POLD1: variants seen among roughly 807,000 people sequenced by gnomAD.
The protein encoded by POLD1 is DNA polymerase delta 1, catalytic subunit, also known as DNA polymerase delta catalytic subunit.
In POLD1, 79 loss-of-function variants were observed where a neutral mutation model predicts 129.7. The ratio of observed to expected loss-of-function variants is 0.61; its 90% CI spans 0.51 to 0.73. POLD1 has a LOEUF of 0.73. POLD1 is among the 30% of genes least tolerant of loss of function. The probability of loss-of-function intolerance (pLI) is 0.00; values close to 1 mark genes in which losing one functional copy is unlikely to be tolerated. For synonymous variants in POLD1, 714 were observed against 683.3 expected, an observed-to-expected ratio of 1.04 and a Z score of -0.70; for missense variants, 1,338 against 1,595.8, an observed-to-expected ratio of 0.84 and a Z score of 2.75.
chr19:50,411,050 G>A (rs145062882), intron 17 of POLD1: 1 of 147,682 alleles, frequency 6.8e-6, no homozygotes, highest in Non-Finnish European at 1.5e-5. Flanking sequence ...CTCAACCTCC[G>A]GGACTCAGGT....
Position 50,402,000 on chromosome 19 carries a change from T to G in POLD1, c.465T>G (p.Gly155=), listed in dbSNP as rs2122236980. 1 of 1,613,840 alleles carries G rather than the reference T, an allele frequency of 6.2e-7. No homozygotes were observed. Among genetic ancestry groups the G allele is most frequent in the Non-Finnish European group, 8.5e-7 (1 of 1,179,908 alleles). ...APYFYTPAPP[G]FGPEHMGDLQ... ...CTCTGATCATCCCTCCCACACCAGG[T>G]TTCGGGCCCGAGCACATGGGTGACC... The change falls in exon 5 of 27, where the codon GGT becomes GGG. Residue 155 remains glycine, a splice_region_variant and synonymous_variant. Transcript: ENST00000440232.
intron 1 of POLD1, among the ~76,000 whole-genome samples, chr19:50,398,274 TAA>T (rs1393973644): frequency 1.3e-5 from 2 of 151,788 alleles, no homozygotes; most frequent in East Asian, 3.9e-4. Flanking sequence ...TTATGGAAAA[TAA>T]AGAGATGTGC....
chr19:50,399,677 C>T (rs1389251738), intron 3 of POLD1, among the ~76,000 whole-genome samples, 193 bp downstream of exon 3: 2 of 152,138 alleles, frequency 1.3e-5, no homozygotes. Context: ...TTGTGGAGTG[C>T]GAAGCGAAGG....
chr19:50,404,554 A>ACCCAAC lies in POLD1; in HGVS notation c.1242+961_1242+966dup, dbSNP rs1402862831. Among the ~76,000 whole-genome samples, 6 of 127,434 alleles carry ACCCAAC rather than the reference A, an allele frequency of 4.7e-5. No individual in the cohort carries two copies. In the East Asian group the frequency reaches 9.1e-4, roughly 19 times the overall value. 83.6% of individuals were successfully genotyped at this position (127,434 alleles called of 152,430 possible). On this transcript the variant is annotated intron_variant, in intron 10 of 26. Transcript: ENST00000440232. ...TGGGATTATAGGCGTGAGCTACTGC[A>ACCCAAC]CCCAACCCCTTTTCTCTTTCTTTTT...
At chr19:50,414,661 A>G (rs541753641) in intron 19 of POLD1, among the ~76,000 whole-genome samples, 154 bp from the exon 20 acceptor site, 24 of 152,218 alleles carry the variant, frequency 1.6e-4, no homozygotes, top group African/African-American at 3.9e-4. Flanking sequence ...TTCCAGCCAT[A>G]CAGTGTCTCG....
rs71182715 is a variant in POLD1 at position 50,400,133 on chromosome 19, A to ATTTTTTTTTTTTTT, written c.316+664_316+677dup. On this transcript the variant is annotated intron_variant, in intron 3 of 26. Transcript: ENST00000440232. ...CCAGCCCAATTTGACTTTTTAAAAG[A>ATTTTTTTTTTTTTT]TTTTTTTTTTTTTTTTTTTTTTTTT... Among the ~76,000 whole-genome samples the ATTTTTTTTTTTTTT allele has an allele frequency of 5.4e-4, 26 of 48,154 alleles. 2 individuals carry two copies. Among genetic ancestry groups the ATTTTTTTTTTTTTT allele is most frequent in the Middle Eastern group, 0.02 (1 of 50 alleles). 31.6% of individuals were successfully genotyped at this position (48,154 alleles called of 152,430 possible).
At chr19:50,390,793 G>A (rs1386435674) in intron 1 of POLD1, among the ~76,000 whole-genome samples, 1 of 152,052 alleles carries the variant, frequency 6.6e-6, no homozygotes, top group Admixed American at 6.5e-5. Flanking sequence ...GGAGCATGCT[G>A]CCTTCAAGCA....
intron 1 of POLD1, among the ~76,000 whole-genome samples, chr19:50,389,369 G>A (rs2038074841): frequency 6.6e-6 from 1 of 151,796 alleles, no homozygotes. Context: ...CAATCCCCCT[G>A]CCTCGGCCTC....
At chr19:50,395,508 C>T (rs915396962) in intron 1 of POLD1, among the ~76,000 whole-genome samples, 19 of 151,540 alleles carry the variant, frequency 1.3e-4, no homozygotes, top group East Asian at 3.9e-4. Flanking sequence ...GGCGTGAACC[C>T]GGGAGGCGGA....
At position 50,398,920 on chromosome 19, in the gene POLD1, GGAT is replaced by G. The variant is rs767241512; in HGVS notation, c.80_82del (p.Asp27del). 2.5e-6 allele frequency: 4 copies of G among 1,597,592 alleles called. No individual in the cohort carries two copies. Among genetic ancestry groups the G allele is most frequent in the Admixed American group, 1.7e-5 (1 of 57,416 alleles). On this transcript the variant is annotated inframe_deletion, in exon 2 of 27. Coordinates refer to ENST00000440232, the MANE Select transcript of POLD1 (RefSeq NM_002691.4). ...CAAAGCGGGCCCGTGGGGGCCTCTG[GGAT>G]GATGATGATGCACCTCGGCCATCCC...
chr19:50,405,695 C>T (rs2038849840), intron 10 of POLD1, among the ~76,000 whole-genome samples: 2 of 152,168 alleles, frequency 1.3e-5, no homozygotes, highest in African/African-American at 4.8e-5. Context: ...GGGTGTCCCT[C>T]ACCCTCTGCC....
rs20582 is a variant in POLD1 at position 50,401,785 on chromosome 19, G to T, written c.324G>T (p.Ala108=). Residue 108 remains alanine (A), a synonymous_variant, in exon 4 of 27, where the codon GCG becomes GCT. Transcript: ENST00000440232. ...TACCCTGTGACCCCACAGGCCCAGC[G>T]CAGCCTGTGCCTGGGGGGCCCCCAC... ...QLEIDHYVGP[A]QPVPGGPPPS... is the part of the protein sequence containing the mutation. 1.9e-3 allele frequency: 3,132 copies of T among 1,612,072 alleles called. 49 individuals carry two copies. In the African/African-American group the frequency reaches 0.032, roughly 17 times the overall value.
intron 8 of POLD1, 105 bp from the exon 9 acceptor site, chr19:50,402,940 ACGTAGGGC>A: frequency 7.1e-7 from 1 of 1,408,182 alleles, no homozygotes; most frequent in Non-Finnish European, 9.7e-7. Flanking sequence ...AGGGTGAGCC[ACGTAGGGC>A]CGGCAGGCAG....
At position 50,399,053 on chromosome 19, in the gene POLD1, G is replaced by A. The variant is rs772866918; in HGVS notation, c.202G>A (p.Gly68Arg). ...LQSVLEGVADGQVPPSAIDPR... is the reference protein window; with the variant it reads ...LQSVLEGVADRQVPPSAIDPR... ...GTCAGTCCTGGAGGGGGTTGCAGAC[G>A]GTAAGGCTTGGAGTTGGAGGTTCCT... Residue 68 changes from glycine to arginine, a missense_variant and splice_region_variant, in exon 2 of 27, where the codon GGG becomes AGG. By Grantham distance (125) the Gly-to-Arg change is moderately radical. Around this residue, in one of 3 missense-constraint regions of POLD1, gnomAD observed 332 missense variants for 315.7 expected, o/e 1.05. Coordinates refer to ENST00000440232, the MANE Select transcript of POLD1 (RefSeq NM_002691.4). The A allele has an allele frequency of 2.1e-5, 33 of 1,551,802 alleles. No individual in the cohort carries two copies. The highest frequency in any genetic ancestry group is 4.8e-5 in the South Asian group (4 of 84,060).
rs2039315892 is a variant in POLD1, at chr19:50,416,835, C to T, written c.3067+112C>T. 3.1e-6 allele frequency: 3 copies of T among 982,430 alleles called. No individual in the cohort carries two copies. The South Asian group carries it at 5.0e-5, about 16-fold the overall frequency. 60.9% of individuals were successfully genotyped at this position (982,430 alleles called of 1,614,324 possible). On this transcript the variant is annotated intron_variant, in intron 24 of 26. Coordinates refer to ENST00000440232, the MANE Select transcript of POLD1 (RefSeq NM_002691.4). ...GCACTGCCACCCAGTGGGCCCAGGGCCCCTGGGTGGGTGGCCCCTGTCTCC... is the reference window on the plus strand; with the variant it reads ...GCACTGCCACCCAGTGGGCCCAGGGTCCCTGGGTGGGTGGCCCCTGTCTCC...
rs1402519647 is a variant in POLD1 at position 50,403,380 on chromosome 19, C to A, written c.1138-113C>A. The A allele has an allele frequency of 8.0e-6, 9 of 1,126,426 alleles. No individual in the cohort carries two copies. In the East Asian group the frequency reaches 1.9e-4, roughly 24 times the overall value. 69.8% of individuals were successfully genotyped at this position (1,126,426 alleles called of 1,614,324 possible). On this transcript the variant is annotated intron_variant, in intron 9 of 26. Coordinates refer to ENST00000440232, the MANE Select transcript of POLD1 (RefSeq NM_002691.4). Reference sequence around the variant, plus strand: ...TGTGCAATTAGGCTTGAGCACTTCCCCTCTGGGTTCTGCAGGATTTTCAGG... The same window carrying A: ...TGTGCAATTAGGCTTGAGCACTTCCACTCTGGGTTCTGCAGGATTTTCAGG...
At chr19:50,396,211 C>T (rs531523455) in intron 1 of POLD1, among the ~76,000 whole-genome samples, 188 of 150,290 alleles carry the variant, frequency 1.3e-3, no homozygotes, top group Admixed American at 1.7e-3. Flanking sequence ...CTCGGCCTCC[C>T]GAGTAGCCAT....
chr19:50,401,516 C>T (rs991524400), intron 3 of POLD1, among the ~76,000 whole-genome samples: 1 of 150,226 alleles, frequency 6.7e-6, no homozygotes, highest in Admixed American at 6.7e-5. Flanking sequence ...ACTGGAATCA[C>T]AGGTGTGAGT....
chr19:50,403,126 G>A lies in POLD1; in HGVS notation c.1044G>A (p.Glu348=), dbSNP rs867385484. The part of the protein sequence containing the change: ...CSLGLRWGEP[E]PFLRLALTLR... ...TGGGCCTGCGCTGGGGGGAGCCGGA[G>A]CCCTTCCTACGCCTGGCGCTCACCC... is the stretch of plus-strand genomic sequence containing the variant. Residue 348 remains glutamate, a synonymous_variant, in exon 9 of 27, where the codon GAG becomes GAA. Coordinates refer to ENST00000440232, the MANE Select transcript of POLD1 (RefSeq NM_002691.4). The A allele has an allele frequency of 1.3e-6, 2 of 1,563,080 alleles. No individual in the cohort carries two copies. Among genetic ancestry groups the A allele is most frequent in the East Asian group, 2.4e-5 (1 of 41,932 alleles).
Sources: allele counts gnomAD v4.1 joint callset (sites outside exome capture counted in the v4.1 genomes callset), GRCh38; gene constraint gnomAD v4.1.1; regional missense constraint gnomAD v4.1.1; transcripts MANE v1.5; gene names NCBI Gene and HGNC (gene_info 2026-07-23, HGNC 2026-07-21).